The following CCNYL1 variants were observed in gnomAD, a reference collection of about 807,000 sequenced individuals.
CCNYL1 encodes the protein cyclin Y like 1.
A neutral mutation model predicts 44.2 loss-of-function variants in CCNYL1; 16 were observed. The ratio of observed to expected loss-of-function variants is 0.36; its 90% CI spans 0.25 to 0.55. The LOEUF (loss-of-function observed/expected upper bound fraction) is 0.55, where lower values mean the gene tolerates loss of function less well. Ranked by LOEUF, CCNYL1 falls within the 20% of genes least tolerant of loss-of-function variation. The probability of loss-of-function intolerance (pLI) is 0.85; values close to 1 mark genes in which losing one functional copy is unlikely to be tolerated. For synonymous variants in CCNYL1, 159 were observed against 163.2 expected, an observed-to-expected ratio of 0.97 and a Z score of 0.20; for missense variants, 348 against 451.8, an observed-to-expected ratio of 0.77 and a Z score of 2.08.
At chr2:207,737,061 G>A (rs562229070) in intron 4 of CCNYL1, among the ~76,000 whole-genome samples, 39 of 152,112 alleles carry the variant, frequency 2.6e-4, no homozygotes, top group African/African-American at 8.9e-4. Context: ...GAATACAGGC[G>A]CCTGCTACCA....
chr2:207,725,770 T>G (rs2091675616), intron 2 of CCNYL1, among the ~76,000 whole-genome samples: 1 of 152,230 alleles, frequency 6.6e-6, no homozygotes, highest in Non-Finnish European at 1.5e-5. Context: ...CCTGCTTGTT[T>G]TAGGATGAGA....
At chr2:207,748,997 C>T (rs2091874124) in intron 8 of CCNYL1, among the ~76,000 whole-genome samples, 1 of 152,202 alleles carries the variant, frequency 6.6e-6, no homozygotes, top group Non-Finnish European at 1.5e-5. Context: ...ACACTTAGCC[C>T]TACCATGATG....
At chr2:207,732,148 GTTTT>G (rs1398526582) in intron 3 of CCNYL1, among the ~76,000 whole-genome samples, 2 of 152,030 alleles carry the variant, frequency 1.3e-5, no homozygotes, top group Non-Finnish European at 2.9e-5. Flanking sequence ...GAATGAGTCA[GTTTT>G]TATTTTTTAT....
At position 207,747,099 on chromosome 2, in the gene CCNYL1, A is replaced by G; in HGVS notation, c.692A>G (p.Asn231Ser). Residue 231 changes from asparagine to serine, a missense_variant, in exon 8 of 10, where the codon AAC (asparagine) becomes AGC (serine). By Grantham distance (46) the Asn-to-Ser change is conservative (BLOSUM62 1). Around this residue, in one of 3 missense-constraint regions of CCNYL1, gnomAD observed 45 missense variants for 101.7 expected, o/e 0.44. Coordinates refer to ENST00000295414, the MANE Select transcript of CCNYL1 (RefSeq NM_001330218.2). ...TYAEIDICPT[N>S]WKRIVLGAIL... is the part of the protein sequence containing the mutation. ...GCTGAAATCGACATTTGTCCCACCA[A>G]CTGGAAAAGGATTGTTCTGGGAGCC... 6.2e-7 allele frequency: 1 copy of G among 1,614,114 alleles called. No individual in the cohort carries two copies.
intron 1 of CCNYL1, among the ~76,000 whole-genome samples, chr2:207,718,008 G>A (rs529384464): frequency 3.3e-5 from 5 of 150,794 alleles, no homozygotes; most frequent in African/African-American, 1.2e-4. Flanking sequence ...GGGTTCAAGC[G>A]ATTCTCCTGC....
intron 1 of CCNYL1, 140 bp from the exon 2 acceptor site, chr2:207,724,660 T>C: frequency 1.5e-6 from 1 of 645,384 alleles, no homozygotes; most frequent in Non-Finnish European, 2.7e-6. Flanking sequence ...TATTTTTGTA[T>C]TGTCTTTATT....
At chr2:207,750,310 A>C (rs2091882412) in intron 8 of CCNYL1, among the ~76,000 whole-genome samples, 1 of 152,196 alleles carries the variant, frequency 6.6e-6, no homozygotes, top group African/African-American at 2.4e-5. Flanking sequence ...CCTTCATAAT[A>C]TTAAAGTGAG....
intron 7 of CCNYL1, among the ~76,000 whole-genome samples, chr2:207,743,245 C>G (rs2091825276): frequency 6.6e-6 from 1 of 152,106 alleles, no homozygotes; most frequent in East Asian, 1.9e-4. Flanking sequence ...AGTGGTGCTT[C>G]CAGATGTAGA....
intron 4 of CCNYL1, among the ~76,000 whole-genome samples, chr2:207,736,416 G>GTACA (rs2091764997): frequency 2.0e-5 from 3 of 152,118 alleles, no homozygotes; most frequent in Admixed American, 2.0e-4. Flanking sequence ...GGGTAATTTA[G>GTACA]GAATACAGTA....
At chr2:207,714,023 C>G (rs2091573611) in intron 1 of CCNYL1, among the ~76,000 whole-genome samples, 1 of 152,054 alleles carries the variant, frequency 6.6e-6, no homozygotes, top group South Asian at 2.1e-4. Flanking sequence ...TAATTTAGCC[C>G]TTCCAAAATA....
At chr2:207,714,473 C>T (rs767690342) in intron 1 of CCNYL1, 2 of 345,026 alleles carry the variant, frequency 5.8e-6, no homozygotes, top group Non-Finnish European at 1.1e-5. Context: ...CATCTTATGT[C>T]TATACATTCA....
chr2:207,715,379 C>CTTTTTTTTTTTTTTTT (rs770646092), intron 1 of CCNYL1, among the ~76,000 whole-genome samples: 1 of 100,754 alleles, frequency 9.9e-6, no homozygotes, highest in Non-Finnish European at 1.8e-5. Context: ...CAAGCTATTT[C>CTTTTTTTTTTTTTTTT]TTTTTTTTTT....
chr2:207,750,913 T>G (rs770229019), intron 8 of CCNYL1, 44 bp from the exon 9 acceptor site: 2 of 1,565,690 alleles, frequency 1.3e-6, no homozygotes, highest in South Asian at 1.1e-5. Flanking sequence ...CCCAGTTGAC[T>G]GACATTGTCC....
At chr2:207,741,702 C>T (rs553425846) in intron 6 of CCNYL1, among the ~76,000 whole-genome samples, 9 of 151,706 alleles carry the variant, frequency 5.9e-5, no homozygotes, top group African/African-American at 1.2e-4. Context: ...AAAAATTAGC[C>T]GGACATGTTG....
chr2:207,717,303 GAATGTTAGAAGA>G (rs951189622), intron 1 of CCNYL1, among the ~76,000 whole-genome samples: 1 of 152,116 alleles, frequency 6.6e-6, no homozygotes, highest in Non-Finnish European at 1.5e-5. Flanking sequence ...AATCAAGAGA[GAATGTTAGAAGA>G]AATATTAAAA....
At chr2:207,722,937 C>T (rs1482380994) in intron 1 of CCNYL1, among the ~76,000 whole-genome samples, 1 of 145,460 alleles carries the variant, frequency 6.9e-6, no homozygotes, top group Non-Finnish European at 1.5e-5. Flanking sequence ...CCAGCCTGGG[C>T]GAAAGAGTGA....
Position 207,712,112 on chromosome 2 carries a change from C to G in CCNYL1, c.216C>G (p.Pro72=), listed in dbSNP as rs543689322. ...HLQHISDREM[P]EDLALESNPS... is the part of the protein sequence containing the mutation. ...AGCACATCAGCGACCGCGAGATGCCCGAAGGTAAGGAGGCGGCGGATGCCA... is the reference window on the plus strand; with the variant it reads ...AGCACATCAGCGACCGCGAGATGCCGGAAGGTAAGGAGGCGGCGGATGCCA... The change falls in exon 1 of 10, where the codon CCC becomes CCG. Residue 72 remains proline (P), a synonymous_variant. Coordinates refer to ENST00000295414, the MANE Select transcript of CCNYL1 (RefSeq NM_001330218.2). 1.3e-6 allele frequency: 2 copies of G among 1,598,486 alleles called. No homozygotes were observed. The highest frequency in any genetic ancestry group is 1.7e-6 in the Non-Finnish European group (2 of 1,173,510).
intron 3 of CCNYL1, among the ~76,000 whole-genome samples, chr2:207,731,903 A>G (rs1203566652): frequency 1.4e-5 from 2 of 145,394 alleles, no homozygotes; most frequent in Non-Finnish European, 3.0e-5. Context: ...TCCGCCTCCC[A>G]GGTTCAAGTG....
intron 4 of CCNYL1, 63 bp from the exon 5 acceptor site, chr2:207,737,348 T>C (rs2091773500): frequency 7.7e-7 from 1 of 1,291,472 alleles, no homozygotes; most frequent in Non-Finnish European, 1.1e-6. Flanking sequence ...ATTTAAAAAA[T>C]GTCTTCAGGC....
Sources: allele counts gnomAD v4.1 joint callset (sites outside exome capture counted in the v4.1 genomes callset), GRCh38; gene constraint gnomAD v4.1.1; regional missense constraint gnomAD v4.1.1; transcripts MANE v1.5; gene names NCBI Gene and HGNC (gene_info 2026-07-23, HGNC 2026-07-21).